ZDHHC9: variants seen among roughly 807,000 people sequenced by gnomAD.
ZDHHC9 encodes the protein palmitoyltransferase ZDHHC9.
Under a neutral mutation model 26.6 loss-of-function variants are expected in ZDHHC9, and 3 were observed. The observed-to-expected ratio is 0.11, with a 90% confidence interval of 0.05 to 0.29. The LOEUF is 0.29. Among genes scored for constraint, ZDHHC9 ranks in the 10% least tolerant of loss-of-function variants. ZDHHC9 has a pLI of 1.00. For missense variants in ZDHHC9, 146 were observed against 296.4 expected (o/e 0.49, Z 3.73); for synonymous variants, 111 against 109.4 (o/e 1.01, Z -0.09).
intron 5 of ZDHHC9, among the ~76,000 whole-genome samples, chrX:129,815,747 T>C (rs1050781669): frequency 5.4e-5 from 6 of 110,456 alleles, no homozygotes; most frequent in Non-Finnish European, 1.9e-5. Flanking sequence ...TAAAGAAGAC[T>C]AAAGAAAAAA....
intron 5 of ZDHHC9, among the ~76,000 whole-genome samples, chrX:129,822,374 G>A (rs1249877272): frequency 9.8e-6 from 1 of 102,042 alleles, no homozygotes. Flanking sequence ...AACACCGCAT[G>A]TTCTCACTCA....
rs959301339 is a variant in ZDHHC9 at position 129,813,658 on chromosome X, T to C, written c.674+19A>G. Reference sequence around the variant, plus strand: ...AGCTTAAGAAGGCTTCACAGGGACATACTGCCAGCGGAGGATATGTTCCAG... The same window carrying C: ...AGCTTAAGAAGGCTTCACAGGGACACACTGCCAGCGGAGGATATGTTCCAG... On this transcript the variant is annotated intron_variant, in intron 7 of 10. Coordinates refer to ENST00000357166, the MANE Select transcript of ZDHHC9 (RefSeq NM_016032.4). 1.7e-6 allele frequency: 2 copies of C among 1,207,345 alleles called. No individual in the cohort carries two copies. Among genetic ancestry groups the C allele is most frequent in the East Asian group, 5.9e-5 (2 of 33,850 alleles).
chrX:129,830,239 C>G (rs1771614), intron 3 of ZDHHC9, among the ~76,000 whole-genome samples: 20,802 of 110,867 alleles, frequency 0.19, 3,652 homozygotes, highest in African/African-American at 0.54. Flanking sequence ...GGGAATGCTC[C>G]GGTTTGAATT....
rs766206946 is a variant in ZDHHC9 at position 129,829,129 on chromosome X, C to A, written c.180G>T (p.Leu60=). ...GGATGGCAGGAGACAGCTGAACAGCCAGGTAGCGGCACCTGAAGAAAGCAG... is the reference window on the plus strand; with the variant it reads ...GGATGGCAGGAGACAGCTGAACAGCAAGGTAGCGGCACCTGAAGAAAGCAG... The part of the protein sequence containing the change: ...TLFFAFECRY[L]AVQLSPAIPV... Residue 60 remains leucine, a synonymous_variant, in exon 4 of 11, where the codon CTG becomes CTT. Coordinates refer to ENST00000357166, the MANE Select transcript of ZDHHC9 (RefSeq NM_016032.4). The A allele has an allele frequency of 2.5e-6, 3 of 1,211,504 alleles. No individual in the cohort carries two copies. Among genetic ancestry groups the A allele is most frequent in the Middle Eastern group, 4.6e-4 (2 of 4,340 alleles).
intron 10 of ZDHHC9, among the ~76,000 whole-genome samples, chrX:129,808,971 C>T (rs757282022): frequency 8.9e-6 from 1 of 112,137 alleles, no homozygotes; most frequent in African/African-American, 3.2e-5. Context: ...AAAAGATATT[C>T]GACATCATTA....
At chrX:129,818,176 AG>A (rs1234783891) in intron 5 of ZDHHC9, among the ~76,000 whole-genome samples, 1 of 111,802 alleles carries the variant, frequency 8.9e-6, no homozygotes, top group Non-Finnish European at 1.9e-5. Context: ...CACAGAGAAA[AG>A]GTCACGTGAG....
intron 4 of ZDHHC9, among the ~76,000 whole-genome samples, chrX:129,826,912 G>C (rs1379192433): frequency 1.8e-5 from 2 of 112,645 alleles, no homozygotes; most frequent in African/African-American, 6.4e-5. Flanking sequence ...GAAATACATG[G>C]GCCGGGCGCA....
intron 5 of ZDHHC9, among the ~76,000 whole-genome samples, chrX:129,817,589 T>C (rs1927785627): frequency 8.9e-6 from 1 of 111,839 alleles, no homozygotes; most frequent in African/African-American, 3.3e-5. Context: ...AACCCTTTCA[T>C]TACTCCAAAC....
Position 129,819,271 on chromosome X carries a change from T to C in ZDHHC9, c.487+4408A>G, listed in dbSNP as rs376032693. On this transcript the variant is annotated intron_variant, in intron 5 of 10. Coordinates refer to ENST00000357166, the MANE Select transcript of ZDHHC9 (RefSeq NM_016032.4). The stretch of plus-strand genomic sequence containing the variant: ...AAAATAAGGCTGTAAAAATGGTCTA[T>C]CTCCTGCTGAGGAAGCTACATCTTT... Among the ~76,000 whole-genome samples the C allele has an allele frequency of 1.0e-4, 11 of 107,956 alleles. No homozygotes were observed. In the East Asian group the frequency reaches 3.3e-3, roughly 32 times the overall value. 93.7% of individuals were successfully genotyped at this position (107,956 alleles called of 115,157 possible).
Position 129,837,172 on chromosome X carries a change from A to T in ZDHHC9, c.167+4607T>A, listed in dbSNP as rs181168867. Reference sequence around the variant, plus strand: ...CCATCCTATGATTCTGTGGGTCAAGATTGTTAAATTTTAAGTACATCTAGA... The same window carrying T: ...CCATCCTATGATTCTGTGGGTCAAGTTTGTTAAATTTTAAGTACATCTAGA... On this transcript the variant is annotated intron_variant, in intron 3 of 10. Coordinates refer to ENST00000357166, the MANE Select transcript of ZDHHC9 (RefSeq NM_016032.4). Among the ~76,000 whole-genome samples the T allele has an allele frequency of 4.5e-5, 5 of 111,695 alleles. No homozygotes were observed. The East Asian group carries it at 1.4e-3, about 31-fold the overall frequency.
Position 129,806,415 on chromosome X carries a change from T to C in ZDHHC9, c.1050A>G (p.Pro350=). The change falls in exon 11 of 11, where the codon CCA becomes CCG. Residue 350 remains proline, a synonymous_variant. Coordinates refer to ENST00000357166, the MANE Select transcript of ZDHHC9 (RefSeq NM_016032.4). Reference sequence around the variant, plus strand: ...CCTCCTGTGGTGGCTCTGGGGGCTCTGGAGGTGGCATCTCTTCGGGAGTGC... The same window carrying C: ...CCTCCTGTGGTGGCTCTGGGGGCTCCGGAGGTGGCATCTCTTCGGGAGTGC... ...DSSTPEEMPP[P]EPPEPPQEAA... The C allele has an allele frequency of 8.3e-7, 1 of 1,212,065 alleles. No homozygotes were observed. The highest frequency in any genetic ancestry group is 1.1e-6 in the Non-Finnish European group (1 of 895,544).
intron 8 of ZDHHC9, 135 bp from the exon 9 acceptor site, chrX:129,811,644 TA>T (rs1390977472): frequency 7.6e-6 from 4 of 525,444 alleles, no homozygotes; most frequent in Non-Finnish European, 1.2e-5. Flanking sequence ...CATGGGATAA[TA>T]AAAAAGTTCT....
intron 3 of ZDHHC9, among the ~76,000 whole-genome samples, chrX:129,838,848 T>C (rs1010158984): frequency 3.6e-5 from 4 of 112,165 alleles, no homozygotes; most frequent in Non-Finnish European, 7.5e-5. Flanking sequence ...AAAGGCATAA[T>C]CCAAAAATAA....
intron 5 of ZDHHC9, among the ~76,000 whole-genome samples, chrX:129,819,718 G>C (rs1051120426): frequency 2.8e-5 from 3 of 108,419 alleles, no homozygotes; most frequent in Admixed American, 2.0e-4. Context: ...TTTATTTAGA[G>C]ACAGAGTCTT....
At chrX:129,810,201 T>C (rs1927606454) in intron 10 of ZDHHC9, among the ~76,000 whole-genome samples, 1 of 105,258 alleles carries the variant, frequency 9.5e-6, no homozygotes, top group Non-Finnish European at 1.9e-5. Flanking sequence ...ATACAAAAAT[T>C]AGCCAGGCAT....
intron 5 of ZDHHC9, among the ~76,000 whole-genome samples, chrX:129,818,289 TGA>T (rs1219225185): frequency 9.0e-6 from 1 of 111,711 alleles, no homozygotes; most frequent in African/African-American, 3.3e-5. Flanking sequence ...TCCAGAATTG[TGA>T]GAGAAAAATT....
chrX:129,833,310 G>A (rs928960576), intron 3 of ZDHHC9, among the ~76,000 whole-genome samples: 20 of 111,822 alleles, frequency 1.8e-4, no homozygotes, highest in African/African-American at 4.6e-4. Flanking sequence ...CCCCTCAGGC[G>A]GCACGGTGGT....
At chrX:129,820,396 A>G (rs1927855456) in intron 5 of ZDHHC9, among the ~76,000 whole-genome samples, 1 of 105,830 alleles carries the variant, frequency 9.4e-6, no homozygotes, top group African/African-American at 3.6e-5. Context: ...CCTGGGCAAC[A>G]TGGGGAAAAC....
intron 5 of ZDHHC9, among the ~76,000 whole-genome samples, chrX:129,816,564 A>C (rs1309569304): frequency 8.9e-6 from 1 of 112,159 alleles, no homozygotes; most frequent in Non-Finnish European, 1.9e-5. Context: ...AAATACCATA[A>C]AACCTATATT....
Sources: gnomAD v4.1 joint callset for allele counts (sites outside exome capture counted in the v4.1 genomes callset) on GRCh38, gnomAD v4.1.1 for gene constraint, MANE v1.5 for transcripts, NCBI Gene and HGNC (gene_info 2026-07-23, HGNC 2026-07-21) for gene names.